The following ZNF665 variants were observed in gnomAD, a reference collection of about 807,000 sequenced individuals.
The protein encoded by ZNF665 is zinc finger protein 665.
Under a neutral mutation model 7.9 loss-of-function variants are expected in ZNF665, and 6 were observed. That is an observed-to-expected ratio of 0.76 (90% confidence interval 0.42 to 1.50). ZNF665 has a LOEUF of 1.50. Among genes scored for constraint, ZNF665 ranks in the 40% most tolerant of loss-of-function variants. The pLI is 0.01. For missense variants in ZNF665, 819 were observed against 806.7 expected, an observed-to-expected ratio of 1.02 and a Z score of -0.18; for synonymous variants, 242 against 274.5, an observed-to-expected ratio of 0.88 and a Z score of 1.17.
Position 53,173,177 on chromosome 19 carries a change from C to A in ZNF665, c.142+2268G>T, listed in dbSNP as rs4801961. On this transcript the variant is annotated intron_variant, in intron 3 of 3. Coordinates refer to ENST00000396424, the MANE Select transcript of ZNF665 (RefSeq NM_024733.5). ...AGTAGTTTTACATTATCAGGTCTTA[C>A]GTTTAAGTATTTAATACATTTTGAA... Among the ~76,000 whole-genome samples, 364 of 152,016 alleles carry A rather than the reference C, an allele frequency of 2.4e-3. 2 individuals are homozygous for A. Among genetic ancestry groups the A allele is most frequent in the African/African-American group, 8.5e-3 (352 of 41,456 alleles).
chr19:53,183,023 C>T lies in ZNF665; in HGVS notation c.-45-80G>A, dbSNP rs2090750077. The T allele has an allele frequency of 2.8e-6, 4 of 1,420,026 alleles. No homozygotes were observed. In the Admixed American group the frequency reaches 5.0e-5, roughly 18 times the overall value. 88.0% of individuals were successfully genotyped at this position (1,420,026 alleles called of 1,614,324 possible). The stretch of plus-strand genomic sequence containing the variant: ...TGTTTGTTGGTTAGAATCAACACAC[C>T]CCCTCCCTGGGCCATAACCTTATAC... On this transcript the variant is annotated intron_variant, in intron 1 of 3. Coordinates refer to ENST00000396424, the MANE Select transcript of ZNF665 (RefSeq NM_024733.5).
Position 53,165,411 on chromosome 19 carries a change from T to C in ZNF665, c.1079A>G (p.Tyr360Cys). 6.2e-7 allele frequency: 1 copy of C among 1,613,522 alleles called. No homozygotes were observed. The highest frequency in any genetic ancestry group is 1.3e-5 in the African/African-American group (1 of 75,054). The change falls in exon 4 of 4, where the codon TAC becomes TGC. Residue 360 changes from tyrosine (Y) to cysteine (C), a missense_variant. Tyr to Cys is a radical substitution (Grantham distance 194). Transcript: ENST00000396424. ...ATGAATTCGCCGATGCTTTGCAAGG[T>C]ATGAATTGTGCCTGAAGACCTTGCC... is the stretch of plus-strand genomic sequence containing the variant. ...ECGKVFRHNSYLAKHRRIHTG... is the reference protein window; with the variant it reads ...ECGKVFRHNSCLAKHRRIHTG...
intron 2 of ZNF665, among the ~76,000 whole-genome samples, chr19:53,180,316 C>T (rs773637596): frequency 2.6e-5 from 4 of 151,778 alleles, no homozygotes; most frequent in Non-Finnish European, 5.9e-5. Flanking sequence ...ACCTGTAATC[C>T]CAGCTACTCG....
At chr19:53,184,943 G>A (rs1021684979) in intron 1 of ZNF665, among the ~76,000 whole-genome samples, 7 of 151,974 alleles carry the variant, frequency 4.6e-5, no homozygotes, top group Non-Finnish European at 8.8e-5. Flanking sequence ...GAGAAAGAGA[G>A]AAACAGCTTA....
chr19:53,165,237 G>A lies in ZNF665; in HGVS notation c.1253C>T (p.Ala418Val). Residue 418 changes from alanine (A) to valine (V), a missense_variant, in exon 4 of 4, where the codon GCA (alanine) becomes GTA (valine). Ala to Val is a moderately conservative substitution (Grantham distance 64). Transcript: ENST00000396424. ...VKVFTQYSHL[A>V]NHRRIHTGEK... Reference sequence around the variant, plus strand: ...TCCAGTATGAATTCTTCGATGATTTGCTAAGTGTGAATACTGAGTGAAAAC... The same window carrying A: ...TCCAGTATGAATTCTTCGATGATTTACTAAGTGTGAATACTGAGTGAAAAC... 6.2e-7 allele frequency: 1 copy of A among 1,613,946 alleles called. No homozygotes were observed. The highest frequency in any genetic ancestry group is 8.5e-7 in the Non-Finnish European group (1 of 1,179,982).
intron 2 of ZNF665, 40 bp downstream of exon 2, chr19:53,182,844 A>C: frequency 6.2e-7 from 1 of 1,613,468 alleles, no homozygotes; most frequent in South Asian, 1.1e-5. Flanking sequence ...GGTTTCTGAA[A>C]GGAAGGAGAC....
chr19:53,164,864 G>T lies in ZNF665; in HGVS notation c.1626C>A (p.Tyr542Ter), dbSNP rs1345762871. Reference sequence around the variant, plus strand: ...AGACCTTGCCGCAATCATTACATTTGTATGGTTTTTGTCCAGTATGTATTG... The same window carrying T: ...AGACCTTGCCGCAATCATTACATTTTTATGGTTTTTGTCCAGTATGTATTG... ...HQTIHTGQKPYKCNDCGKVFR... is the reference protein window; with the variant it reads ...HQTIHTGQKP The change falls in exon 4 of 4, where the codon TAC (tyrosine) becomes TAA (stop). Residue 542 changes from tyrosine (Y) to a stop codon, truncating the protein, a stop_gained. Transcript: ENST00000396424. LOFTEE classifies it low-confidence loss of function (END_TRUNC). 1.2e-6 allele frequency: 2 copies of T among 1,614,020 alleles called. No individual in the cohort carries two copies. The highest frequency in any genetic ancestry group is 2.7e-5 in the African/African-American group (2 of 74,904).
chr19:53,164,288 CCACCACACCCAG>C lies in ZNF665; in HGVS notation c.*153_*164del. 1.8e-6 allele frequency: 1 copy of C among 566,612 alleles called. No individual in the cohort carries two copies. Among genetic ancestry groups the C allele is most frequent in the South Asian group, 2.6e-5 (1 of 37,926 alleles). 35.1% of individuals were successfully genotyped at this position (566,612 alleles called of 1,614,324 possible). A position where few individuals can be genotyped will look rare whatever the true frequency, so the allele number is the denominator to read the frequency against. On this transcript the variant is annotated 3_prime_UTR_variant, in exon 4 of 4. Coordinates refer to ENST00000396424, the MANE Select transcript of ZNF665 (RefSeq NM_024733.5). ...GAGTAGCTGGGATTACAGGCGTGCA[CCACCACACCCAG>C]CTAATTTTTGTATTTTTAGTAGAGA...
At position 53,165,298 on chromosome 19, in the gene ZNF665, C is replaced by T. The variant is rs771360912; in HGVS notation, c.1192G>A (p.Gly398Arg). Residue 398 changes from glycine (G) to arginine (R), a missense_variant, in exon 4 of 4, where the codon GGA (glycine) becomes AGA (arginine). Physicochemically the swap from Gly to Arg is moderately radical, Grantham distance 125. Transcript: ENST00000396424. ...TCATTACATTTGAAAGGCTTTTCTC[C>T]GGTATGGATGATCTGATGCTTAGTT... Reference protein sequence around the residue: ...NLTKHQIIHTGEKPFKCNECV... With the variant: ...NLTKHQIIHTREKPFKCNECV... 1.9e-5 allele frequency: 31 copies of T among 1,613,074 alleles called. No homozygotes were observed. Among genetic ancestry groups the T allele is most frequent in the East Asian group, 6.7e-5 (3 of 44,814 alleles).
chr19:53,177,992 G>A (rs2090711027), intron 2 of ZNF665, among the ~76,000 whole-genome samples: 1 of 152,186 alleles, frequency 6.6e-6, no homozygotes, highest in Non-Finnish European at 1.5e-5. Flanking sequence ...AATCAGTTAA[G>A]CAACAGGCAA....
chr19:53,178,473 C>CA (rs2090714041), intron 2 of ZNF665, among the ~76,000 whole-genome samples: 1 of 152,116 alleles, frequency 6.6e-6, no homozygotes, highest in Non-Finnish European at 1.5e-5. Flanking sequence ...CCTGTAGTCC[C>CA]AGCACTTTGG....
chr19:53,166,984 C>G (rs1350499462), intron 3 of ZNF665, among the ~76,000 whole-genome samples: 1 of 138,694 alleles, frequency 7.2e-6, no homozygotes, highest in East Asian at 2.3e-4. Context: ...TGGTATATAA[C>G]AGTTATATTT....
At chr19:53,177,961 GAATTAA>G (rs1340794339) in intron 2 of ZNF665, among the ~76,000 whole-genome samples, 2 of 152,150 alleles carry the variant, frequency 1.3e-5, no homozygotes, top group African/African-American at 4.8e-5. Context: ...AGGTGTCTAG[GAATTAA>G]AATTAAACCT....
intron 3 of ZNF665, among the ~76,000 whole-genome samples, chr19:53,171,520 A>ATT (rs1233778767): frequency 1.4e-4 from 12 of 82,788 alleles, no homozygotes; most frequent in Non-Finnish European, 2.6e-4. Context: ...ATATATATAT[A>ATT]TATATTTTTT....
intron 3 of ZNF665, among the ~76,000 whole-genome samples, chr19:53,171,504 G>GTATATATA (rs1555804176): frequency 0.014 from 795 of 57,682 alleles, 18 homozygotes; most frequent in East Asian, 0.03. Flanking sequence ...GTGTGTGTGT[G>GTATATATA]TATATATATA....
At chr19:53,180,029 G>C (rs1046671827) in intron 2 of ZNF665, 2 of 152,148 alleles carry the variant, frequency 1.3e-5, no homozygotes, top group Admixed American at 6.6e-5. Context: ...ACCTAACTGA[G>C]AAAAACTGAA....
intron 2 of ZNF665, among the ~76,000 whole-genome samples, chr19:53,177,345 C>A (rs1221791603): frequency 1.3e-5 from 2 of 151,892 alleles, no homozygotes; most frequent in Admixed American, 6.6e-5. Context: ...TGCCTGTAAT[C>A]CTAGCACTTT....
chr19:53,176,553 C>T (rs1018891527), intron 2 of ZNF665, among the ~76,000 whole-genome samples: 13 of 152,284 alleles, frequency 8.5e-5, no homozygotes, highest in Middle Eastern at 3.4e-3. Flanking sequence ...TTGATCCCAA[C>T]GAAAAGGTGA....
chr19:53,164,290 A>G lies in ZNF665; in HGVS notation c.*163T>C. The G allele has an allele frequency of 6.9e-6, 4 of 576,946 alleles. No individual in the cohort carries two copies. In the South Asian group the frequency reaches 7.6e-5, roughly 11 times the overall value. The allele number at this position is 576,946 out of a possible 1,614,324, so 35.7% of individuals were successfully genotyped here. A position where few individuals can be genotyped will look rare whatever the true frequency, so the allele number is the denominator to read the frequency against. On this transcript the variant is annotated 3_prime_UTR_variant, in exon 4 of 4. Transcript: ENST00000396424. ...GTAGCTGGGATTACAGGCGTGCACCACCACACCCAGCTAATTTTTGTATTT... is the reference window on the plus strand; with the variant it reads ...GTAGCTGGGATTACAGGCGTGCACCGCCACACCCAGCTAATTTTTGTATTT...
Sources: gnomAD v4.1 joint callset for allele counts (sites outside exome capture counted in the v4.1 genomes callset) on GRCh38, gnomAD v4.1.1 for gene constraint, MANE v1.5 for transcripts, NCBI Gene and HGNC (gene_info 2026-07-23, HGNC 2026-07-21) for gene names.